FAM184A: variants seen among roughly 807,000 people sequenced by gnomAD.
The protein encoded by FAM184A is family with sequence similarity 184 member A.
FAM184A carries 99 observed loss-of-function variants against 143.8 expected under a neutral mutation model. The observed-to-expected ratio is 0.69, with a 90% CI of 0.58 to 0.81. FAM184A has a LOEUF of 0.81. Among genes scored for constraint, FAM184A ranks in the 40% least tolerant of loss-of-function variants. FAM184A has a pLI of 0.00. For missense variants in FAM184A, 1,217 were observed against 1,310.5 expected, an observed-to-expected ratio of 0.93 and a Z score of 1.10; for synonymous variants, 427 against 446.4, an observed-to-expected ratio of 0.96 and a Z score of 0.55.
intron 1 of FAM184A, among the ~76,000 whole-genome samples, chr6:119,042,388 C>T (rs1786371422): frequency 6.6e-6 from 1 of 152,202 alleles, no homozygotes; most frequent in African/African-American, 2.4e-5. Context: ...TTTCCCCAAA[C>T]TTTAAACTAC....
chr6:119,078,152 G>C lies in FAM184A; in HGVS notation c.148C>G (p.Gln50Glu), dbSNP rs999675191. The change falls in exon 1 of 18, where the codon CAG becomes GAG. Residue 50 changes from glutamine to glutamate, a missense_variant. By Grantham distance (29) the Gln-to-Glu change is conservative. Transcript: ENST00000338891. The surrounding 1 kb of genome is among the most constrained non-coding windows in gnomAD (Gnocchi z 5.5). ...GCTGCCCCCCTTACCTTGGTGAGCT[G>C]GGCGATTTTCTTGCTCATTTTCAGG... ...MHLKMSKKIA[Q>E]LTKVIYALNT... is the part of the protein sequence containing the mutation. 1.9e-6 allele frequency: 3 copies of C among 1,590,564 alleles called. No individual in the cohort carries two copies. Among genetic ancestry groups the C allele is most frequent in the Non-Finnish European group, 2.6e-6 (3 of 1,170,458 alleles).
chr6:119,104,363 G>A (rs555509911), intron 1 of FAM184A, among the ~76,000 whole-genome samples: 10 of 152,302 alleles, frequency 6.6e-5, no homozygotes, highest in African/African-American at 1.7e-4. Context: ...CAAGAAAAAC[G>A]AGGAAAGTAT....
upstream of FAM184A, among the ~76,000 whole-genome samples, chr6:119,083,029 G>A (rs139698914): frequency 4.5e-3 from 679 of 152,316 alleles, 6 homozygotes; most frequent in African/African-American, 0.016. Context: ...GTTCTCAAAC[G>A]TCAATTCTTA....
intron 14 of FAM184A, among the ~76,000 whole-genome samples, chr6:118,969,992 TA>T (rs1469300015): frequency 0.044 from 653 of 14,968 alleles, 183 homozygotes; most frequent in African/African-American, 0.13. Context: ...TATATATATA[TA>T]ATATATATAT....
chr6:119,068,896 C>G (rs548286908), intron 1 of FAM184A, among the ~76,000 whole-genome samples: 1 of 152,158 alleles, frequency 6.6e-6, no homozygotes, highest in East Asian at 1.9e-4. Context: ...TAAGTTCTAC[C>G]CAAAAAGAAC....
intron 1 of FAM184A, among the ~76,000 whole-genome samples, chr6:119,067,473 C>T (rs1787499727): frequency 6.6e-6 from 1 of 152,140 alleles, no homozygotes; most frequent in African/African-American, 2.4e-5. Flanking sequence ...ATCTTACTTG[C>T]TAAAATTTAC....
chr6:118,962,182 G>A (rs1783350954), intron 16 of FAM184A: 2 of 552,862 alleles, frequency 3.6e-6, no homozygotes, highest in East Asian at 6.2e-5. Context: ...TACCAGGGCA[G>A]AAAGAATGAG....
intron 3 of FAM184A, among the ~76,000 whole-genome samples, chr6:119,020,886 G>A (rs1213609646): frequency 6.6e-6 from 1 of 152,150 alleles, no homozygotes; most frequent in African/African-American, 2.4e-5. Context: ...CTAAGGTGAT[G>A]TAAGACACAG....
At chr6:118,991,571 A>G (rs183717471) in intron 9 of FAM184A, among the ~76,000 whole-genome samples, 1 of 152,144 alleles carries the variant, frequency 6.6e-6, no homozygotes, top group African/African-American at 2.4e-5. Context: ...AAAGCCCCTG[A>G]AGGTGAAAGC....
intron 4 of FAM184A, among the ~76,000 whole-genome samples, chr6:119,018,115 A>C (rs1407029266): frequency 6.6e-6 from 1 of 152,166 alleles, no homozygotes; most frequent in Non-Finnish European, 1.5e-5. Context: ...AAATGAACTA[A>C]TGCAGATGTA....
At chr6:119,099,525 T>TG (rs1419000254) in intron 1 of FAM184A, among the ~76,000 whole-genome samples, 1 of 152,158 alleles carries the variant, frequency 6.6e-6, no homozygotes, top group Non-Finnish European at 1.5e-5. Context: ...AAAGGGGTCC[T>TG]GCTCCGTATC....
In FAM184A at chr6:118,996,572, C is replaced by T. The variant is rs935818595; in HGVS notation, c.2088+6327G>A. 3.9e-5 allele frequency among the ~76,000 whole-genome samples: 6 copies of T among 152,248 alleles called. No individual in the cohort carries two copies. In the East Asian group the frequency reaches 7.7e-4, roughly 20 times the overall value. ...CTTATCTTACTCCAGCCATCTCTTTCCCCCAGGGCTCTGAATGTACATTCA... is the reference window on the plus strand; with the variant it reads ...CTTATCTTACTCCAGCCATCTCTTTTCCCCAGGGCTCTGAATGTACATTCA... On this transcript the variant is annotated intron_variant, in intron 9 of 17. Coordinates refer to ENST00000338891, the MANE Select transcript of FAM184A (RefSeq NM_024581.6).
At chr6:119,028,636 C>G (rs1362912655) in intron 1 of FAM184A, among the ~76,000 whole-genome samples, 1 of 152,208 alleles carries the variant, frequency 6.6e-6, no homozygotes, top group Non-Finnish European at 1.5e-5. Flanking sequence ...TTCCTTCCCA[C>G]AGACCCTGCC....
chr6:119,022,198 C>G (rs1785471720), intron 3 of FAM184A, among the ~76,000 whole-genome samples: 1 of 151,084 alleles, frequency 6.6e-6, no homozygotes, highest in Non-Finnish European at 1.5e-5. Context: ...GCTGGAATTA[C>G]AAGTGTGTAC....
chr6:119,146,133 A>G (rs906348622), intron 1 of FAM184A, among the ~76,000 whole-genome samples: 4 of 152,152 alleles, frequency 2.6e-5, no homozygotes, highest in Admixed American at 6.5e-5. Flanking sequence ...GACAGGTGAT[A>G]TTGACTTTTC....
At position 119,023,942 on chromosome 6, in the gene FAM184A, T is replaced by C. The variant is rs761830822; in HGVS notation, c.1014+17A>G. On this transcript the variant is annotated intron_variant, in intron 2 of 17. Transcript: ENST00000338891. ...AGAAAAAAAATCCATGTGTTGAATA[T>C]AATATTCTTTACTTACCTGAACATT... The C allele has an allele frequency of 1.9e-6, 3 of 1,540,212 alleles. No homozygotes were observed. Among genetic ancestry groups the C allele is most frequent in the Non-Finnish European group, 1.7e-6 (2 of 1,151,328 alleles).
intron 9 of FAM184A, among the ~76,000 whole-genome samples, chr6:118,992,683 T>C (rs781182529): frequency 6.6e-6 from 1 of 152,190 alleles, no homozygotes; most frequent in Non-Finnish European, 1.5e-5. Flanking sequence ...TCCCAGCATT[T>C]TGGAAGGCCG....
In FAM184A at chr6:119,051,662, AT is replaced by A. The variant is rs946353284; in HGVS notation, c.159+26478del. On this transcript the variant is annotated intron_variant, in intron 1 of 17. Coordinates refer to ENST00000338891, the MANE Select transcript of FAM184A (RefSeq NM_024581.6). ...TATACGAGTACTATGTACCCACAAA[AT>A]TTTTTTTTAAAAAGAGAGTATCTTG... Among the ~76,000 whole-genome samples the A allele has an allele frequency of 4.0e-5, 6 of 151,894 alleles. No homozygotes were observed. The South Asian group carries it at 8.3e-4, about 21-fold the overall frequency.
intron 9 of FAM184A, among the ~76,000 whole-genome samples, chr6:119,002,039 G>C (rs1326622431): frequency 1.3e-5 from 2 of 152,006 alleles, no homozygotes; most frequent in Non-Finnish European, 2.9e-5. Flanking sequence ...TTATAATTAT[G>C]AGATACTAGA....
Sources: gnomAD v4.1 joint callset for allele counts (sites outside exome capture counted in the v4.1 genomes callset) on GRCh38, gnomAD v4.1.1 for gene constraint, Gnocchi (gnomAD v3.1) non-coding constraint, MANE v1.5 for transcripts, NCBI Gene and HGNC (gene_info 2026-07-23, HGNC 2026-07-21) for gene names.